AK4: variants seen among roughly 807,000 people sequenced by gnomAD.
The protein encoded by AK4 is adenylate kinase 4.
Under a neutral mutation model 24.6 loss-of-function variants are expected in AK4, and 13 were observed. That is an observed-to-expected ratio of 0.53 (90% CI 0.34 to 0.84). The LOEUF (loss-of-function observed/expected upper bound fraction) is 0.84. AK4 is among the 40% of genes least tolerant of loss of function. The pLI is 0.01. For synonymous variants in AK4, 88 were observed against 107.0 expected, an observed-to-expected ratio of 0.82 and a Z score of 1.10; for missense variants, 192 against 288.2, an observed-to-expected ratio of 0.67 and a Z score of 2.42.
At chr1:65,209,808 CT>C (rs993021796) in intron 2 of AK4, among the ~76,000 whole-genome samples, 1 of 151,618 alleles carries the variant, frequency 6.6e-6, no homozygotes, top group Non-Finnish European at 1.5e-5. Flanking sequence ...TTTTCTTTTT[CT>C]TTTTTTTCTT....
At chr1:65,178,671 A>G (rs1043818427) in intron 1 of AK4, among the ~76,000 whole-genome samples, 2 of 152,152 alleles carry the variant, frequency 1.3e-5, no homozygotes, top group Non-Finnish European at 2.9e-5. Context: ...AGCCCTTCAG[A>G]AGCCCAACTC....
At chr1:65,153,326 G>A (rs1649862946) in intron 1 of AK4, among the ~76,000 whole-genome samples, 2 of 152,138 alleles carry the variant, frequency 1.3e-5, no homozygotes, top group Admixed American at 6.6e-5. Flanking sequence ...CTGGAGTGCA[G>A]TGGCATGAAC....
chr1:65,185,358 G>A lies in AK4; in HGVS notation c.146-5352G>A, dbSNP rs544659572. On this transcript the variant is annotated intron_variant, in intron 1 of 4. Coordinates refer to ENST00000327299, the MANE Select transcript of AK4 (RefSeq NM_013410.4). Reference sequence around the variant, plus strand: ...GTAGCTGGTCTTGGCTCTAGGAATAGCATTTCTAAAACTATCTATTTAAAA... The same window carrying A: ...GTAGCTGGTCTTGGCTCTAGGAATAACATTTCTAAAACTATCTATTTAAAA... Among the ~76,000 whole-genome samples the A allele has an allele frequency of 8.1e-4, 124 of 152,262 alleles. 3 individuals carry two copies. In the South Asian group the frequency reaches 0.025, roughly 31 times the overall value.
chr1:65,190,769 A>G lies in AK4; in HGVS notation c.205A>G (p.Ile69Val). 6.2e-7 allele frequency: 1 copy of G among 1,614,174 alleles called. No homozygotes were observed. The change falls in exon 2 of 5, where the codon ATC becomes GTC. Residue 69 changes from isoleucine (I) to valine (V), a missense_variant. Physicochemically the swap from Ile to Val is conservative, Grantham distance 29 (BLOSUM62 3). Transcript: ENST00000327299. Reference protein sequence around the residue: ...EKSLLVPDHVITRLMMSELEN... With the variant: ...EKSLLVPDHVVTRLMMSELEN... ...AAGTCTTTTGGTTCCAGACCATGTGATCACACGCCTAATGATGTCCGAGTT... is the reference window on the plus strand; with the variant it reads ...AAGTCTTTTGGTTCCAGACCATGTGGTCACACGCCTAATGATGTCCGAGTT...
At chr1:65,200,855 C>T (rs953772166) in intron 2 of AK4, among the ~76,000 whole-genome samples, 7 of 151,138 alleles carry the variant, frequency 4.6e-5, no homozygotes, top group East Asian at 2.0e-4. Flanking sequence ...AGTGCAATGG[C>T]GCGATCTTGG....
chr1:65,165,119 A>G (rs1650285804), intron 1 of AK4, among the ~76,000 whole-genome samples: 1 of 152,258 alleles, frequency 6.6e-6, no homozygotes, highest in Non-Finnish European at 1.5e-5. Context: ...ATTGAGTGCT[A>G]TAAAAATAGG....
intron 2 of AK4, among the ~76,000 whole-genome samples, chr1:65,202,717 T>C (rs527677230): frequency 6.6e-6 from 1 of 152,268 alleles, no homozygotes; most frequent in South Asian, 2.1e-4. Flanking sequence ...TTTGAGGGCA[T>C]ACTTTGCTAA....
rs2101105468 is a variant in AK4, at chr1:65,229,760, T to C, written c.*3583T>C. 6.6e-6 allele frequency: 1 copy of C among 152,356 alleles called. No individual in the cohort carries two copies. Among genetic ancestry groups the C allele is most frequent in the Middle Eastern group, 3.4e-3 (1 of 296 alleles). 9.4% of individuals were successfully genotyped at this position (152,356 alleles called of 1,614,324 possible). On this transcript the variant is annotated 3_prime_UTR_variant, in exon 5 of 5. Transcript: ENST00000327299. ...TCCTTACCTATCCTTTTGGTGTCCA[T>C]TGGATTGTGCCCCGAAGTGGCCTTT...
chr1:65,208,774 G>C lies in AK4; in HGVS notation c.266-9980G>C, dbSNP rs550524388. ...TGGCTCTGCACCCTTCCTGCAGAGT[G>C]AATGCGCTCCAAATTAGAAAAACAG... On this transcript the variant is annotated intron_variant, in intron 2 of 4. Transcript: ENST00000327299. Among the ~76,000 whole-genome samples, 8 of 152,312 alleles carry C rather than the reference G, an allele frequency of 5.3e-5. No individual in the cohort carries two copies. In the South Asian group the frequency reaches 1.2e-3, roughly 24 times the overall value.
intron 3 of AK4, among the ~76,000 whole-genome samples, chr1:65,224,436 A>G (rs1244569789): frequency 6.6e-6 from 1 of 152,202 alleles, no homozygotes; most frequent in Non-Finnish European, 1.5e-5. Context: ...CAAGATGACA[A>G]GGTTTGTTGT....
chr1:65,210,005 AC>A (rs2101070277), intron 2 of AK4, among the ~76,000 whole-genome samples: 1 of 152,232 alleles, frequency 6.6e-6, no homozygotes, highest in African/African-American at 2.4e-5. Context: ...ACAGGATCTC[AC>A]TTTGTTGCCC....
At chr1:65,199,809 A>G (rs1651608273) in intron 2 of AK4, among the ~76,000 whole-genome samples, 1 of 152,160 alleles carries the variant, frequency 6.6e-6, no homozygotes, top group African/African-American at 2.4e-5. Flanking sequence ...CTGGTTGGGT[A>G]TCTCTAATCC....
chr1:65,162,267 G>A (rs184461166), intron 1 of AK4, among the ~76,000 whole-genome samples: 54 of 152,160 alleles, frequency 3.5e-4, no homozygotes, highest in African/African-American at 1.3e-3. Context: ...TTGAGGCAGA[G>A]GAAGCAGTAT....
chr1:65,158,234 T>G (rs1166357814), intron 1 of AK4, among the ~76,000 whole-genome samples: 1 of 152,152 alleles, frequency 6.6e-6, no homozygotes, highest in Non-Finnish European at 1.5e-5. Context: ...TGGCAAACAA[T>G]CCTAAAACTA....
chr1:65,192,390 T>C (rs959511254), intron 2 of AK4, among the ~76,000 whole-genome samples: 5 of 152,204 alleles, frequency 3.3e-5, no homozygotes, highest in African/African-American at 1.2e-4. Context: ...AACTCATTCA[T>C]GAGGGCAGAG....
At chr1:65,218,280 C>CT (rs35348368) in intron 2 of AK4, among the ~76,000 whole-genome samples, 1 of 152,130 alleles carries the variant, frequency 6.6e-6, no homozygotes, top group South Asian at 2.1e-4. Flanking sequence ...TTTCCCTTCA[C>CT]TTTTTTAACA....
At chr1:65,167,271 C>A (rs1650363159) in intron 1 of AK4, among the ~76,000 whole-genome samples, 1 of 152,122 alleles carries the variant, frequency 6.6e-6, no homozygotes, top group African/African-American at 2.4e-5. Context: ...AACTTCTGGT[C>A]TGCTTTGTTT....
chr1:65,168,654 T>C (rs1378711928), intron 1 of AK4, among the ~76,000 whole-genome samples: 1 of 152,170 alleles, frequency 6.6e-6, no homozygotes, highest in Non-Finnish European at 1.5e-5. Flanking sequence ...TTCTGAACAT[T>C]GTCCTGCAGG....
At chr1:65,172,088 TA>T (rs1335029232) in intron 1 of AK4, among the ~76,000 whole-genome samples, 12 of 117,352 alleles carry the variant, frequency 1.0e-4, no homozygotes, top group East Asian at 8.9e-4. Context: ...TATATATATA[TA>T]TATATATATA....
Sources: allele counts gnomAD v4.1 joint callset (sites outside exome capture counted in the v4.1 genomes callset), GRCh38; gene constraint gnomAD v4.1.1; transcripts MANE v1.5; gene names NCBI Gene and HGNC (gene_info 2026-07-23, HGNC 2026-07-21).